DLG2: variants seen among roughly 807,000 people sequenced by gnomAD.
The protein encoded by DLG2 is disks large homolog 2.
Under a neutral mutation model 132.5 loss-of-function variants are expected in DLG2, and 45 were observed. The observed-to-expected ratio is 0.34, with a 90% CI of 0.27 to 0.44. The LOEUF is 0.44. Ranked by LOEUF, DLG2 falls within the 20% of genes least tolerant of loss-of-function variation. The probability of loss-of-function intolerance (pLI) is 1.00; values close to 1 mark genes in which losing one functional copy is unlikely to be tolerated. For missense variants in DLG2, 1,045 were observed against 1,196.9 expected, an observed-to-expected ratio of 0.87 and a Z score of 1.87; for synonymous variants, 424 against 419.6, an observed-to-expected ratio of 1.01 and a Z score of -0.13.
chr11:85,568,607 T>G (rs566826071), intron 3 of DLG2, among the ~76,000 whole-genome samples: 12 of 152,296 alleles, frequency 7.9e-5, no homozygotes, highest in African/African-American at 2.6e-4. Context: ...TTGTTATCAC[T>G]CTATCCAAAT....
intron 6 of DLG2, among the ~76,000 whole-genome samples, chr11:84,816,350 T>G (rs2077083220): frequency 6.6e-6 from 1 of 151,992 alleles, no homozygotes; most frequent in African/African-American, 2.4e-5. Context: ...GGAGTACAAT[T>G]TGTTAAATAC....
chr11:85,191,146 GCGCGCGCGCA>G (rs1183843807), intron 4 of DLG2, among the ~76,000 whole-genome samples: 3 of 138,492 alleles, frequency 2.2e-5, no homozygotes, highest in African/African-American at 5.6e-5. Flanking sequence ...ATATGCATGC[GCGCGCGCGCA>G]CGCGCGCACA....
chr11:83,922,400 G>A (rs1455882314), intron 15 of DLG2, among the ~76,000 whole-genome samples: 1 of 152,014 alleles, frequency 6.6e-6, no homozygotes, highest in East Asian at 1.9e-4. Flanking sequence ...CTTCAAAAAG[G>A]GAGTGACAGC....
intron 6 of DLG2, chr11:84,923,050 C>T: frequency 6.2e-7 from 1 of 1,613,806 alleles, no homozygotes; most frequent in Non-Finnish European, 8.5e-7. Flanking sequence ...GTATATTGTG[C>T]CCAGTTGCCG....
At chr11:84,594,606 G>T (rs1290711704) in intron 6 of DLG2, among the ~76,000 whole-genome samples, 1 of 152,170 alleles carries the variant, frequency 6.6e-6, no homozygotes, top group Non-Finnish European at 1.5e-5. Flanking sequence ...TAGAACATGA[G>T]GCTGGAAAAT....
chr11:84,077,785 C>G (rs1427976591), intron 10 of DLG2, among the ~76,000 whole-genome samples: 1 of 152,086 alleles, frequency 6.6e-6, no homozygotes, highest in Non-Finnish European at 1.5e-5. Flanking sequence ...GTTAAAAAAT[C>G]ACACTTTTCT....
chr11:85,059,131 T>C (rs188889783), intron 6 of DLG2, among the ~76,000 whole-genome samples: 8 of 151,536 alleles, frequency 5.3e-5, no homozygotes, highest in African/African-American at 1.9e-4. Flanking sequence ...ATATTCAGAA[T>C]ACATATAAAT....
At chr11:83,817,329 TGAATA>T (rs2049308388) in intron 17 of DLG2, among the ~76,000 whole-genome samples, 1 of 152,030 alleles carries the variant, frequency 6.6e-6, no homozygotes, top group Non-Finnish European at 1.5e-5. Flanking sequence ...ATTTGAAGGA[TGAATA>T]GAATAGAAGA....
At chr11:85,407,647 T>C (rs1387716576) in intron 3 of DLG2, among the ~76,000 whole-genome samples, 1 of 151,760 alleles carries the variant, frequency 6.6e-6, no homozygotes, top group Non-Finnish European at 1.5e-5. Flanking sequence ...AAAGTCAGCC[T>C]ATGTAGAGTA....
chr11:85,018,920 T>TTTTTCTA (rs2059800161), intron 6 of DLG2, among the ~76,000 whole-genome samples: 1 of 151,998 alleles, frequency 6.6e-6, no homozygotes, highest in Non-Finnish European at 1.5e-5. Context: ...ATCTTAAGAC[T>TTTTTCTA]ATAACACTTT....
intron 8 of DLG2, among the ~76,000 whole-genome samples, chr11:84,232,893 C>T (rs184077829): frequency 1.7e-4 from 26 of 152,268 alleles, no homozygotes; most frequent in African/African-American, 6.3e-4. Context: ...TGATGAATGA[C>T]AAGGAAGCTT....
intron 3 of DLG2, among the ~76,000 whole-genome samples, chr11:85,306,669 C>T (rs780415795): frequency 6.6e-6 from 1 of 152,294 alleles, no homozygotes; most frequent in Admixed American, 6.5e-5. Context: ...CTCCTGGGTT[C>T]AGGCCATTCT....
intron 6 of DLG2, among the ~76,000 whole-genome samples, chr11:85,013,288 T>C (rs113283316): frequency 6.6e-6 from 1 of 152,148 alleles, no homozygotes; most frequent in Non-Finnish European, 1.5e-5. Flanking sequence ...CAAAAGGAGA[T>C]GTAGCTTCTG....
At chr11:85,485,277 C>A (rs1221564064) in intron 3 of DLG2, among the ~76,000 whole-genome samples, 51 of 144,264 alleles carry the variant, frequency 3.5e-4, no homozygotes, top group South Asian at 9.0e-4. Context: ...GGGTGCAGCG[C>A]ACCAGCATGG....
intron 6 of DLG2, among the ~76,000 whole-genome samples, chr11:85,031,256 G>A (rs371884845): frequency 6.6e-6 from 1 of 151,806 alleles, no homozygotes; most frequent in African/African-American, 2.4e-5. Context: ...CTTTCAATTA[G>A]TTTGCTATTT....
intron 11 of DLG2, among the ~76,000 whole-genome samples, chr11:83,994,410 T>C (rs948444335): frequency 2.0e-5 from 3 of 152,172 alleles, no homozygotes; most frequent in Non-Finnish European, 2.9e-5. Context: ...TTTATTTTTA[T>C]TTTAAAAGAC....
intron 18 of DLG2, among the ~76,000 whole-genome samples, chr11:83,710,186 T>G (rs943513747): frequency 3.3e-5 from 5 of 150,938 alleles, no homozygotes; most frequent in African/African-American, 9.8e-5. Context: ...TTTTTGAGAC[T>G]GAGTGTTATT....
intron 3 of DLG2, among the ~76,000 whole-genome samples, chr11:85,478,620 G>T (rs1026677447): frequency 1.3e-5 from 2 of 152,168 alleles, no homozygotes; most frequent in Non-Finnish European, 2.9e-5. Flanking sequence ...CTCTGAGGCT[G>T]AGTTTGCTTA....
At chr11:83,723,787 C>T (rs1465836075) in intron 18 of DLG2, among the ~76,000 whole-genome samples, 3 of 151,860 alleles carry the variant, frequency 2.0e-5, no homozygotes, top group Admixed American at 6.6e-5. Context: ...ACCTGGGAGG[C>T]GGAGGTTGCA....
Sources: gnomAD v4.1 joint callset for allele counts (sites outside exome capture counted in the v4.1 genomes callset) on GRCh38, gnomAD v4.1.1 for gene constraint, MANE v1.5 for transcripts, NCBI Gene and HGNC (gene_info 2026-07-23, HGNC 2026-07-21) for gene names.